Variants in QSER1 observed in about 807,000 individuals in gnomAD.
QSER1 encodes glutamine and serine-rich protein 1.
A neutral mutation model predicts 158.5 loss-of-function variants in QSER1; 49 were observed. The ratio of observed to expected loss-of-function variants is 0.31; its 90% CI spans 0.25 to 0.39. The LOEUF (loss-of-function observed/expected upper bound fraction) is 0.39, where lower values mean the gene tolerates loss of function less well. QSER1 is among the 10% of genes least tolerant of loss of function. The probability of loss-of-function intolerance (pLI) is 1.00; values close to 1 mark genes in which losing one functional copy is unlikely to be tolerated. For synonymous variants in QSER1, 650 were observed against 715.5 expected, an observed-to-expected ratio of 0.91 and a Z score of 1.46; for missense variants, 1,754 against 2,010.3, an observed-to-expected ratio of 0.87 and a Z score of 2.44.
chr11:32,927,859 T>G, intron 2 of QSER1, 103 bp from the exon 3 acceptor site: 1 of 428,726 alleles, frequency 2.3e-6, no homozygotes, highest in Non-Finnish European at 4.1e-6. Flanking sequence ...GTAGAATGTT[T>G]TGGCCTTAAT....
intron 4 of QSER1, among the ~76,000 whole-genome samples, chr11:32,946,713 G>A (rs1852338338): frequency 6.6e-6 from 1 of 152,094 alleles, no homozygotes; most frequent in Admixed American, 6.5e-5. Context: ...CAGAGGTGGA[G>A]CCTACAGAGG....
chr11:32,934,726 A>C lies in QSER1; in HGVS notation c.3468A>C (p.Leu1156Phe). ...CTACATCAGAGAGTGAATTTACCTTAGGGGGTGACGACAGTGGTGTGTCAA... is the reference window on the plus strand; with the variant it reads ...CTACATCAGAGAGTGAATTTACCTTCGGGGGTGACGACAGTGGTGTGTCAA... ...ENATSESEFT[L>F]GGDDSGVSMN... Residue 1156 changes from leucine (L) to phenylalanine (F), a missense_variant, in exon 4 of 13, where the codon TTA becomes TTC. By Grantham distance (22) the Leu-to-Phe change is conservative (BLOSUM62 0). Coordinates refer to ENST00000650167, the MANE Select transcript of QSER1 (RefSeq NM_001076786.3). 1 of 1,613,752 alleles carries C rather than the reference A, an allele frequency of 6.2e-7. No individual in the cohort carries two copies. The highest frequency in any genetic ancestry group is 8.5e-7 in the Non-Finnish European group (1 of 1,179,860).
intron 3 of QSER1, 57 bp downstream of exon 3, chr11:32,928,180 C>A: frequency 9.8e-7 from 1 of 1,017,326 alleles, no homozygotes; most frequent in Non-Finnish European, 1.6e-6. Flanking sequence ...GAAACATATA[C>A]ATTTGATGGC....
chr11:32,958,563 T>C (rs908485697), intron 8 of QSER1, among the ~76,000 whole-genome samples: 1 of 152,126 alleles, frequency 6.6e-6, no homozygotes, highest in Non-Finnish European at 1.5e-5. Context: ...TGTTTCTTTT[T>C]AAGATATGGG....
At position 32,934,993 on chromosome 11, in the gene QSER1, T is replaced by C. The variant is rs952045905; in HGVS notation, c.3735T>C (p.Pro1245=). Residue 1245 remains proline (P), a synonymous_variant, in exon 4 of 13, where the codon CCT becomes CCC. Transcript: ENST00000650167. ...GTDIYLPYTP[P]SSESCHDGYQ... is the part of the protein sequence containing the mutation. ...ATATTTACTTACCGTATACTCCTCC[T>C]TCCTCAGAAAGCTGCCATGATGGTT... 1.2e-6 allele frequency: 2 copies of C among 1,614,160 alleles called. No homozygotes were observed. The highest frequency in any genetic ancestry group is 1.7e-6 in the Non-Finnish European group (2 of 1,180,000).
Position 32,977,296 on chromosome 11 carries a change from T to TA in QSER1, c.*823dup, listed in dbSNP as rs1590193067. On this transcript the variant is annotated 3_prime_UTR_variant, in exon 13 of 13. Coordinates refer to ENST00000650167, the MANE Select transcript of QSER1 (RefSeq NM_001076786.3). Reference sequence around the variant, plus strand: ...ACCTTTTGTTATTTTCAGTAAATCTTAGTTATATGTTGAATTTCTAATGTG... The same window carrying TA: ...ACCTTTTGTTATTTTCAGTAAATCTTAAGTTATATGTTGAATTTCTAATGTG... 4 of 152,774 alleles carry TA rather than the reference T, an allele frequency of 2.6e-5. No individual in the cohort carries two copies. The East Asian group carries it at 5.8e-4, about 22-fold the overall frequency. The allele number at this position is 152,774 out of a possible 1,614,324, so 9.5% of individuals were successfully genotyped here.
chr11:32,918,319 T>C (rs1453543630), intron 1 of QSER1, among the ~76,000 whole-genome samples: 2 of 152,104 alleles, frequency 1.3e-5, no homozygotes, highest in East Asian at 3.9e-4. Context: ...TAAATACATA[T>C]AGTATGTTGA....
At chr11:32,949,092 T>G (rs777476401) in intron 4 of QSER1, among the ~76,000 whole-genome samples, 1 of 152,192 alleles carries the variant, frequency 6.6e-6, no homozygotes, top group Non-Finnish European at 1.5e-5. Flanking sequence ...TCATTAATAG[T>G]CTTTTAAATA....
chr11:32,910,960 T>G (rs183473458), intron 1 of QSER1, among the ~76,000 whole-genome samples: 1 of 152,228 alleles, frequency 6.6e-6, no homozygotes, highest in Non-Finnish European at 1.5e-5. Context: ...GATAGTACAA[T>G]GTAATAATTG....
rs752238505 is a variant in QSER1 at position 32,932,559 on chromosome 11, A to G, written c.1301A>G (p.Gln434Arg). ...CCTCAAAGTATAATTCCTCCTGTGC[A>G]AACACTAAGCTATTCCAAACCTTTA... ...PKPQSIIPPV[Q>R]TLSYSKPLHN... The change falls in exon 4 of 13, where the codon CAA becomes CGA. Residue 434 changes from glutamine (Q) to arginine (R), a missense_variant. This residue lies in a region of QSER1 where 1,707 missense variants were observed against 1,919.6 expected (regional missense o/e 0.89). Coordinates refer to ENST00000650167, the MANE Select transcript of QSER1 (RefSeq NM_001076786.3). 33 of 1,614,074 alleles carry G rather than the reference A, an allele frequency of 2.0e-5. No individual in the cohort carries two copies. The highest frequency in any genetic ancestry group is 3.3e-5 in the Admixed American group (2 of 60,004).
chr11:32,923,578 T>C (rs1354586786), intron 1 of QSER1, among the ~76,000 whole-genome samples: 1 of 152,056 alleles, frequency 6.6e-6, no homozygotes, highest in Non-Finnish European at 1.5e-5. Flanking sequence ...CTCAGGAGGC[T>C]GAGGCAGGAG....
At chr11:32,926,754 T>C (rs1407765980) in intron 1 of QSER1, 5 of 152,206 alleles carry the variant, frequency 3.3e-5, no homozygotes, top group Non-Finnish European at 7.3e-5. Flanking sequence ...GGTTATTTCA[T>C]CTGGTCCTTT....
At chr11:32,925,609 C>T (rs1409372964) in intron 1 of QSER1, among the ~76,000 whole-genome samples, 4 of 151,828 alleles carry the variant, frequency 2.6e-5, no homozygotes, top group Non-Finnish European at 4.4e-5. Flanking sequence ...CTCACTGCAA[C>T]GTCTGCCTCC....
intron 10 of QSER1, among the ~76,000 whole-genome samples, chr11:32,972,031 C>G (rs1852869573): frequency 6.7e-6 from 1 of 149,078 alleles, no homozygotes; most frequent in African/African-American, 2.5e-5. Flanking sequence ...CCACTGCACT[C>G]TAGCCTGGAT....
In QSER1 at chr11:32,933,069, A is replaced by G. The variant is rs1241133180; in HGVS notation, c.1811A>G (p.Tyr604Cys). ...SLTLTAPSLSYSSASRAQNLP... is the reference protein window; with the variant it reads ...SLTLTAPSLSCSSASRAQNLP... Reference sequence around the variant, plus strand: ...ACATTAACAGCCCCTTCTCTTTCTTATTCTTCTGCCTCTCGGGCTCAGAAT... The same window carrying G: ...ACATTAACAGCCCCTTCTCTTTCTTGTTCTTCTGCCTCTCGGGCTCAGAAT... Residue 604 changes from tyrosine to cysteine, a missense_variant, in exon 4 of 13, where the codon TAT (tyrosine) becomes TGT (cysteine). Transcript: ENST00000650167. 3 of 1,613,636 alleles carry G rather than the reference A, an allele frequency of 1.9e-6. No individual in the cohort carries two copies. In the Admixed American group the frequency reaches 5.0e-5, roughly 27 times the overall value.
intron 1 of QSER1, among the ~76,000 whole-genome samples, chr11:32,911,614 C>T (rs975977820): frequency 6.6e-6 from 1 of 152,062 alleles, no homozygotes; most frequent in Non-Finnish European, 1.5e-5. Flanking sequence ...GCTGTTCTCA[C>T]GATAGTAAAG....
intron 1 of QSER1, among the ~76,000 whole-genome samples, chr11:32,918,887 G>A (rs1851867964): frequency 6.6e-6 from 1 of 152,038 alleles, no homozygotes; most frequent in South Asian, 2.1e-4. Flanking sequence ...TTTTTTAAAT[G>A]TAGACTTCAT....
chr11:32,974,207 G>A (rs952409508), intron 11 of QSER1, among the ~76,000 whole-genome samples: 1 of 152,142 alleles, frequency 6.6e-6, no homozygotes, highest in Non-Finnish European at 1.5e-5. Context: ...GATCACTTGA[G>A]TCCAGGTGTT....
At chr11:32,935,489 T>C in intron 4 of QSER1, 54 bp downstream of exon 4, 1 of 1,318,170 alleles carries the variant, frequency 7.6e-7, no homozygotes, top group Non-Finnish European at 1.0e-6. Context: ...TTTTTCCAGC[T>C]ATAGCCCACA....
Sources: gnomAD v4.1 joint callset for allele counts (sites outside exome capture counted in the v4.1 genomes callset) on GRCh38, gnomAD v4.1.1 for gene constraint, gnomAD v4.1.1 regional missense constraint, MANE v1.5 for transcripts, NCBI Gene and HGNC (gene_info 2026-07-23, HGNC 2026-07-21) for gene names.